Variants in MTMR3 observed in about 807,000 individuals in gnomAD.
MTMR3 encodes the protein myotubularin related protein 3.
MTMR3 carries 32 observed loss-of-function variants against 132.4 expected under a neutral mutation model. The ratio of observed to expected loss-of-function variants is 0.24; its 90% CI spans 0.18 to 0.32. MTMR3 has a LOEUF of 0.32. MTMR3 is among the 10% of genes least tolerant of loss of function. The pLI is 1.00. For synonymous variants in MTMR3, 556 were observed against 550.3 expected, an observed-to-expected ratio of 1.01 and a Z score of -0.14; for missense variants, 1,216 against 1,489.6, an observed-to-expected ratio of 0.82 and a Z score of 3.02.
intron 1 of MTMR3, among the ~76,000 whole-genome samples, chr22:29,883,586 A>G (rs2064598621): frequency 6.6e-6 from 1 of 151,316 alleles, no homozygotes; most frequent in East Asian, 2.0e-4. Flanking sequence ...TCGGCGGCCG[A>G]GCTCGGCCCG....
intron 1 of MTMR3, among the ~76,000 whole-genome samples, chr22:29,886,328 T>G (rs1367638023): frequency 2.6e-5 from 4 of 152,244 alleles, no homozygotes; most frequent in African/African-American, 9.6e-5. Context: ...AAGACTGTCA[T>G]GAACATTATC....
In MTMR3 at chr22:30,027,145, C is replaced by G. The variant is rs1258943452; in HGVS notation, c.*1344C>G. On this transcript the variant is annotated 3_prime_UTR_variant, in exon 20 of 20. Transcript: ENST00000401950. The stretch of plus-strand genomic sequence containing the variant: ...AAGAGTTAGGTTTGTGCTTTGTAAT[C>G]TTGGCATCCATGTTTTGTGCCTGCC... 5 of 152,742 alleles carry G rather than the reference C, an allele frequency of 3.3e-5. No individual in the cohort carries two copies. Among genetic ancestry groups the G allele is most frequent in the African/African-American group, 1.2e-4 (5 of 41,446 alleles). 9.5% of individuals were successfully genotyped at this position (152,742 alleles called of 1,614,324 possible).
chr22:29,897,551 C>G (rs2064926054), intron 1 of MTMR3, among the ~76,000 whole-genome samples: 1 of 152,032 alleles, frequency 6.6e-6, no homozygotes, highest in Non-Finnish European at 1.5e-5. Context: ...CTCCCAGGTT[C>G]AAGTGATTCT....
chr22:29,896,778 C>T (rs1347706305), intron 1 of MTMR3, among the ~76,000 whole-genome samples: 1 of 151,678 alleles, frequency 6.6e-6, no homozygotes, highest in Non-Finnish European at 1.5e-5. Context: ...CAAATTTCAA[C>T]AGTGCAAAAA....
intron 1 of MTMR3, among the ~76,000 whole-genome samples, chr22:29,913,032 G>C (rs1445811394): frequency 6.6e-6 from 1 of 152,108 alleles, no homozygotes. Flanking sequence ...CACTTGTGAG[G>C]CCTGGAGTTT....
intron 1 of MTMR3, among the ~76,000 whole-genome samples, chr22:29,905,750 C>T (rs2065081456): frequency 1.3e-5 from 2 of 152,088 alleles, no homozygotes; most frequent in African/African-American, 2.4e-5. Flanking sequence ...GAACTTGCAT[C>T]TTTTATTACT....
intron 1 of MTMR3, among the ~76,000 whole-genome samples, chr22:29,946,063 A>G (rs2065948873): frequency 6.6e-6 from 1 of 151,936 alleles, no homozygotes; most frequent in Admixed American, 6.6e-5. Flanking sequence ...ATAATTAAAT[A>G]TAAGCAAATG....
At position 30,028,589 on chromosome 22, in the gene MTMR3, T is replaced by C. The variant is rs2067955705; in HGVS notation, c.*2788T>C. On this transcript the variant is annotated 3_prime_UTR_variant, in exon 20 of 20. Transcript: ENST00000401950. ...GTTCCTCCCTCGGGAAGGTTGGTAT[T>C]GAGGGGTGCCTTGCTCCAGAGGCGC... is the stretch of plus-strand genomic sequence containing the variant. 1 of 152,492 alleles carries C rather than the reference T, an allele frequency of 6.6e-6. No individual in the cohort carries two copies. The highest frequency in any genetic ancestry group is 6.5e-5 in the Admixed American group (1 of 15,284). 9.4% of individuals were successfully genotyped at this position (152,492 alleles called of 1,614,324 possible).
At chr22:29,939,255 G>A (rs112284290) in intron 1 of MTMR3, among the ~76,000 whole-genome samples, 2,517 of 152,260 alleles carry the variant, frequency 0.017, 67 homozygotes, top group African/African-American at 0.058. Flanking sequence ...TTAAGGTCTG[G>A]TTAAGGAGTG....
At chr22:29,936,219 A>G (rs2145800886) in intron 1 of MTMR3, among the ~76,000 whole-genome samples, 1 of 152,334 alleles carries the variant, frequency 6.6e-6, no homozygotes, top group African/African-American at 2.4e-5. Context: ...ATATTTTTAT[A>G]GTATTGAACT....
intron 14 of MTMR3, chr22:30,013,865 C>G (rs551899079): frequency 2.5e-5 from 6 of 243,782 alleles, no homozygotes; most frequent in South Asian, 2.4e-4. Flanking sequence ...TACCAGACCC[C>G]CATGACTGTC....
intron 1 of MTMR3, among the ~76,000 whole-genome samples, chr22:29,925,629 A>G (rs1007518454): frequency 2.2e-4 from 34 of 152,176 alleles, no homozygotes; most frequent in African/African-American, 6.5e-4. Context: ...AAAGTACACA[A>G]CTAGGGCCGG....
intron 5 of MTMR3, chr22:29,980,663 A>G (rs1057377004): frequency 2.0e-5 from 3 of 152,156 alleles, no homozygotes; most frequent in African/African-American, 7.2e-5. Context: ...ATATCATTGC[A>G]TTTTCTCATA....
intron 1 of MTMR3, among the ~76,000 whole-genome samples, chr22:29,906,236 C>G (rs1050136380): frequency 6.7e-6 from 1 of 149,358 alleles, no homozygotes; most frequent in Non-Finnish European, 1.5e-5. Context: ...TCACATTTAT[C>G]CATCCATCCG....
chr22:29,944,231 G>C (rs1183771332), intron 1 of MTMR3, among the ~76,000 whole-genome samples: 1 of 151,482 alleles, frequency 6.6e-6, no homozygotes, highest in Admixed American at 6.6e-5. Flanking sequence ...TGGTGCAAAA[G>C]TAATTGTGGT....
chr22:29,883,964 C>T (rs763879416), intron 1 of MTMR3, among the ~76,000 whole-genome samples: 4 of 152,140 alleles, frequency 2.6e-5, no homozygotes, highest in Non-Finnish European at 5.9e-5. Context: ...CAGACTGCTC[C>T]GCAAATGATT....
intron 1 of MTMR3, among the ~76,000 whole-genome samples, chr22:29,953,806 G>A (rs1054611254): frequency 3.3e-5 from 5 of 151,996 alleles, no homozygotes; most frequent in Admixed American, 6.6e-5. Context: ...CCTCTTCCCT[G>A]TTTGTCTGTT....
At position 30,022,074 on chromosome 22, in the gene MTMR3, T is replaced by G. The variant is rs1307717814; in HGVS notation, c.3271T>G (p.Ser1091Ala). The G allele has an allele frequency of 6.2e-7, 1 of 1,614,096 alleles. No homozygotes were observed. The highest frequency in any genetic ancestry group is 8.5e-7 in the Non-Finnish European group (1 of 1,180,054). ...AAGCAATCTGGATCAGAACTGTTTGTCTCGCTGCAGCACAGAGATTTTCTC... is the reference window on the plus strand; with the variant it reads ...AAGCAATCTGGATCAGAACTGTTTGGCTCGCTGCAGCACAGAGATTTTCTC... ...SESNLDQNCL[S>A]RCSTEIFSEA... Residue 1091 changes from serine (S) to alanine (A), a missense_variant, in exon 18 of 20, where the codon TCT (serine) becomes GCT (alanine). Physicochemically the swap from Ser to Ala is moderately conservative, Grantham distance 99. Around this residue, in one of 7 missense-constraint regions of MTMR3, gnomAD observed 852 missense variants for 852.0 expected, o/e 1.00. Transcript: ENST00000401950.
chr22:29,903,525 C>T (rs1459012649), intron 1 of MTMR3, among the ~76,000 whole-genome samples: 1 of 151,250 alleles, frequency 6.6e-6, no homozygotes, highest in Non-Finnish European at 1.5e-5. Flanking sequence ...GGTGCTGGGA[C>T]TGTAGGAACA....
Sources: gnomAD v4.1 joint callset for allele counts (sites outside exome capture counted in the v4.1 genomes callset) on GRCh38, gnomAD v4.1.1 for gene constraint, gnomAD v4.1.1 regional missense constraint, MANE v1.5 for transcripts, NCBI Gene and HGNC (gene_info 2026-07-23, HGNC 2026-07-21) for gene names.